TAB3: variants seen among roughly 807,000 people sequenced by gnomAD.
TAB3 encodes TGF-beta activated kinase 1 (MAP3K7) binding protein 3.
A neutral mutation model predicts 48.1 loss-of-function variants in TAB3; 18 were observed. The ratio of observed to expected loss-of-function variants is 0.37; its 90% CI spans 0.26 to 0.55. The LOEUF is 0.55. Ranked by LOEUF, TAB3 falls within the 20% of genes least tolerant of loss-of-function variation. The pLI is 0.78. For missense variants in TAB3, 414 were observed against 549.8 expected (o/e 0.75, Z 2.47); for synonymous variants, 185 against 190.2 (o/e 0.97, Z 0.22).
chrX:30,866,169 AT>A (rs1252065137), intron 4 of TAB3, among the ~76,000 whole-genome samples: 1 of 111,980 alleles, frequency 8.9e-6, no homozygotes, highest in Non-Finnish European at 1.9e-5. Context: ...AACATTTTCA[AT>A]TTAAATATGG....
At chrX:30,885,634 G>A (rs1940109066) in intron 1 of TAB3, among the ~76,000 whole-genome samples, 1 of 111,680 alleles carries the variant, frequency 9.0e-6, no homozygotes, top group Non-Finnish European at 1.9e-5. Context: ...TGAGGAAACA[G>A]TGCGAAGATG....
intron 9 of TAB3, among the ~76,000 whole-genome samples, chrX:30,842,693 C>T (rs1445858862): frequency 1.8e-5 from 2 of 110,292 alleles, no homozygotes; most frequent in East Asian, 5.7e-4. Flanking sequence ...GTGGTGTGTG[C>T]CTACCATGCC....
rs779140786 is a variant in TAB3, at chrX:30,839,985, TTTGTC to T, written c.1888+2976_1888+2980del. The stretch of plus-strand genomic sequence containing the variant: ...ACACACACTTACTAATATTTACTGT[TTTGTC>T]TTGTTTTCAGTTTGGGTAGATTATA... On this transcript the variant is annotated intron_variant, in intron 9 of 10. Coordinates refer to ENST00000288422, the MANE Select transcript of TAB3 (RefSeq NM_152787.5). 1.3e-4 allele frequency among the ~76,000 whole-genome samples: 13 copies of T among 103,800 alleles called. No individual in the cohort carries two copies. The East Asian group carries it at 3.7e-3, about 29-fold the overall frequency. 90.1% of individuals were successfully genotyped at this position (103,800 alleles called of 115,157 possible). A position where few individuals can be genotyped will look rare whatever the true frequency, so the allele number is the denominator to read the frequency against.
At chrX:30,866,711 T>C (rs1983548308) in intron 4 of TAB3, among the ~76,000 whole-genome samples, 3 of 108,415 alleles carry the variant, frequency 2.8e-5, no homozygotes, top group African/African-American at 1.0e-4. Flanking sequence ...AATGAATGAA[T>C]GATAAATGAG....
At chrX:30,877,017 C>G (rs751167641) in intron 1 of TAB3, among the ~76,000 whole-genome samples, 15 of 111,525 alleles carry the variant, frequency 1.3e-4, no homozygotes, top group Non-Finnish European at 2.1e-4. Context: ...TGAAACCTGT[C>G]AAACCACATG....
intron 2 of TAB3, among the ~76,000 whole-genome samples, chrX:30,869,329 G>T (rs1939601399): frequency 9.0e-6 from 1 of 111,435 alleles, no homozygotes; most frequent in South Asian, 3.7e-4. Flanking sequence ...CAAAGTGCTG[G>T]GATTACAGGT....
intron 8 of TAB3, chrX:30,844,655 G>T (rs777745056): frequency 8.9e-6 from 1 of 112,335 alleles, no homozygotes; most frequent in Non-Finnish European, 1.9e-5. Flanking sequence ...ATCATGCATA[G>T]TAATTCTTTG....
At chrX:30,863,642 T>C (rs1334797167) in intron 4 of TAB3, among the ~76,000 whole-genome samples, 1 of 112,332 alleles carries the variant, frequency 8.9e-6, no homozygotes, top group Non-Finnish European at 1.9e-5. Flanking sequence ...TGCTTCACCA[T>C]CTGCCATGAT....
At chrX:30,858,885 A>G (rs1018550424) in intron 5 of TAB3, among the ~76,000 whole-genome samples, 3 of 111,652 alleles carry the variant, frequency 2.7e-5, no homozygotes, top group African/African-American at 9.8e-5. Flanking sequence ...GGTGAGTGAA[A>G]ATGGGCTTAC....
rs754475505 is a variant in TAB3 at position 30,861,375 on chromosome X, C to A, written c.-90-1697G>T. On this transcript the variant is annotated intron_variant, in intron 4 of 10. Transcript: ENST00000288422. ...GTCCCCCCATCTCCTGCCATCCCCC[C>A]ACCCAGCAAATGTCAGGGGAGTGGA... 3.7e-5 allele frequency among the ~76,000 whole-genome samples: 4 copies of A among 109,092 alleles called. No individual in the cohort carries two copies. The East Asian group carries it at 8.7e-4, about 24-fold the overall frequency. 94.7% of individuals were successfully genotyped at this position (109,092 alleles called of 115,157 possible). A position where few individuals can be genotyped will look rare whatever the true frequency, so the allele number is the denominator to read the frequency against.
At chrX:30,886,784 A>G (rs1940143901) in intron 1 of TAB3, among the ~76,000 whole-genome samples, 1 of 112,071 alleles carries the variant, frequency 8.9e-6, no homozygotes, top group Admixed American at 9.4e-5. Context: ...TTCCACTTCA[A>G]CTCTATTCAG....
intron 7 of TAB3, 49 bp downstream of exon 7, chrX:30,852,729 C>A (rs771754418): frequency 7.2e-6 from 8 of 1,103,629 alleles, no homozygotes; most frequent in Non-Finnish European, 9.7e-6. Flanking sequence ...AATGACCTGA[C>A]AGCCAATATC....
At chrX:30,836,502 G>A (rs1212959157) in intron 9 of TAB3, 2 of 111,638 alleles carry the variant, frequency 1.8e-5, no homozygotes, top group African/African-American at 6.5e-5. Context: ...AACTCTAAGG[G>A]ACTATCAGTT....
At chrX:30,873,336 G>GACCACGGTGAA (rs1400309718) in intron 1 of TAB3, among the ~76,000 whole-genome samples, 2 of 108,722 alleles carry the variant, frequency 1.8e-5, no homozygotes, top group Middle Eastern at 4.7e-3. Flanking sequence ...AGGAGATCGA[G>GACCACGGTGAA]ACCACGGTGA....
intron 1 of TAB3, among the ~76,000 whole-genome samples, chrX:30,876,789 A>G (rs1939852743): frequency 8.9e-6 from 1 of 111,858 alleles, no homozygotes; most frequent in South Asian, 3.7e-4. Context: ...AACCGAAACT[A>G]AGAATTCAAT....
intron 1 of TAB3, among the ~76,000 whole-genome samples, chrX:30,885,767 A>G (rs1940113301): frequency 8.9e-6 from 1 of 111,880 alleles, no homozygotes; most frequent in African/African-American, 3.3e-5. Context: ...GGGTCTTGAC[A>G]GTGCCTCCCT....
intron 4 of TAB3, among the ~76,000 whole-genome samples, chrX:30,864,218 C>T (rs1489710400): frequency 9.0e-6 from 1 of 111,353 alleles, no homozygotes; most frequent in East Asian, 2.8e-4. Context: ...AGGCGGTAAC[C>T]CTAGATCAAG....
intron 2 of TAB3, among the ~76,000 whole-genome samples, chrX:30,869,400 C>T (rs1170127643): frequency 1.8e-5 from 2 of 111,817 alleles, no homozygotes; most frequent in Non-Finnish European, 3.8e-5. Flanking sequence ...TGTTAACCCC[C>T]TCCTAAATGC....
intron 9 of TAB3, chrX:30,836,344 A>G (rs1938213134): frequency 8.9e-6 from 1 of 111,788 alleles, no homozygotes; most frequent in Non-Finnish European, 1.9e-5. Context: ...CTTTTTTATT[A>G]GAAGTGTACA....
Sources: gnomAD v4.1 joint callset for allele counts (sites outside exome capture counted in the v4.1 genomes callset) on GRCh38, gnomAD v4.1.1 for gene constraint, MANE v1.5 for transcripts, NCBI Gene and HGNC (gene_info 2026-07-23, HGNC 2026-07-21) for gene names.